The following PITPNB variants were observed in gnomAD, a reference collection of about 807,000 sequenced individuals.
The protein encoded by PITPNB is phosphatidylinositol transfer protein beta, also known as phosphatidylinositol transfer protein beta isoform.
PITPNB carries 16 observed loss-of-function variants against 45.9 expected under a neutral mutation model. The observed-to-expected ratio is 0.35, with a 90% CI of 0.24 to 0.53. The LOEUF is 0.53. Ranked by LOEUF, PITPNB falls within the 20% of genes least tolerant of loss-of-function variation. PITPNB has a pLI of 0.93. For synonymous variants in PITPNB, 112 were observed against 108.9 expected (o/e 1.03, Z -0.18); for missense variants, 188 against 330.5 (o/e 0.57, Z 3.34).
chr22:27,877,819 C>A (rs1171017086), intron 7 of PITPNB, among the ~76,000 whole-genome samples: 3 of 152,020 alleles, frequency 2.0e-5, no homozygotes, highest in Admixed American at 6.5e-5. Context: ...GAGATGAGCT[C>A]CAGACACCAG....
intron 7 of PITPNB, among the ~76,000 whole-genome samples, chr22:27,891,921 G>C (rs754129764): frequency 6.6e-6 from 1 of 152,180 alleles, no homozygotes; most frequent in African/African-American, 2.4e-5. Flanking sequence ...CAGGCAAAGA[G>C]AGGCTAACCA....
chr22:27,899,119 T>C (rs1242491616), intron 3 of PITPNB, among the ~76,000 whole-genome samples: 2 of 152,236 alleles, frequency 1.3e-5, no homozygotes, highest in Admixed American at 6.5e-5. Context: ...TATTACCTGC[T>C]CTGCAGGGTT....
chr22:27,884,343 G>A (rs1446017270), intron 7 of PITPNB, among the ~76,000 whole-genome samples: 1 of 152,214 alleles, frequency 6.6e-6, no homozygotes, highest in East Asian at 1.9e-4. Context: ...AACAACTAGT[G>A]TGAAGTTAAA....
chr22:27,878,710 G>A (rs998253997), intron 7 of PITPNB, among the ~76,000 whole-genome samples: 2 of 152,162 alleles, frequency 1.3e-5, no homozygotes, highest in Non-Finnish European at 2.9e-5. Flanking sequence ...GATCTCAGGA[G>A]GGCTGTTTAA....
intron 7 of PITPNB, among the ~76,000 whole-genome samples, chr22:27,879,829 G>A (rs886445701): frequency 3.3e-5 from 5 of 152,042 alleles, no homozygotes; most frequent in African/African-American, 4.8e-5. Flanking sequence ...AAACACCCTA[G>A]TAAAAATTCA....
At chr22:27,877,564 C>T (rs1292874349) in intron 7 of PITPNB, among the ~76,000 whole-genome samples, 1 of 152,204 alleles carries the variant, frequency 6.6e-6, no homozygotes, top group East Asian at 1.9e-4. Flanking sequence ...GGGTGTACAT[C>T]TGTTACTACA....
intron 7 of PITPNB, among the ~76,000 whole-genome samples, chr22:27,889,451 G>A (rs536144517): frequency 9.9e-4 from 151 of 152,270 alleles, no homozygotes; most frequent in African/African-American, 3.4e-3. Context: ...CTACTTGGAA[G>A]GGAGAGAGAA....
intron 9 of PITPNB, 105 bp downstream of exon 9, chr22:27,860,026 A>G: frequency 3.0e-6 from 2 of 656,206 alleles, no homozygotes; most frequent in South Asian, 1.9e-5. Context: ...AATAATTTTC[A>G]TATCATAAAG....
At chr22:27,878,159 A>G (rs2146372777) in intron 7 of PITPNB, among the ~76,000 whole-genome samples, 1 of 152,350 alleles carries the variant, frequency 6.6e-6, no homozygotes, top group East Asian at 1.9e-4. Context: ...ATTTCCTCTA[A>G]TCACATCCTA....
rs114344896 is a variant in PITPNB, at chr22:27,866,747, G to A, written c.535-6506C>T. On this transcript the variant is annotated intron_variant, in intron 8 of 11. Transcript: ENST00000335272. ...AGCAGTTTCTGTAAGGCTCATAACT[G>A]TCTTCATATTTTCATTTTTCAATTT... 6.8e-3 allele frequency among the ~76,000 whole-genome samples: 1,035 copies of A among 152,250 alleles called. 7 individuals carry two copies. Among genetic ancestry groups the A allele is most frequent in the African/African-American group, 0.023 (940 of 41,534 alleles).
At chr22:27,903,348 A>G (rs1935658021) in intron 3 of PITPNB, among the ~76,000 whole-genome samples, 2 of 151,866 alleles carry the variant, frequency 1.3e-5, no homozygotes, top group African/African-American at 4.8e-5. Flanking sequence ...GCATGCCTGT[A>G]ATACCAGCTA....
At chr22:27,873,666 C>A in intron 8 of PITPNB, 72 bp downstream of exon 8, 1 of 906,924 alleles carries the variant, frequency 1.1e-6, no homozygotes, top group South Asian at 1.4e-5. Flanking sequence ...GTCACCAGCT[C>A]TTCAAGACTC....
At chr22:27,902,605 T>C (rs1935633461) in intron 3 of PITPNB, among the ~76,000 whole-genome samples, 1 of 152,176 alleles carries the variant, frequency 6.6e-6, no homozygotes, top group Non-Finnish European at 1.5e-5. Flanking sequence ...TATAAGAAAA[T>C]ACAGATGTAA....
chr22:27,876,462 A>G (rs1934822456), intron 7 of PITPNB, among the ~76,000 whole-genome samples: 1 of 152,346 alleles, frequency 6.6e-6, no homozygotes, highest in South Asian at 2.1e-4. Context: ...TTTAACCTTG[A>G]AAGATGAGAA....
intron 7 of PITPNB, among the ~76,000 whole-genome samples, chr22:27,875,858 G>A (rs1277556775): frequency 6.6e-6 from 1 of 152,114 alleles, no homozygotes; most frequent in Non-Finnish European, 1.5e-5. Flanking sequence ...AAAGAAGCAA[G>A]CAAAGAACAG....
intron 3 of PITPNB, among the ~76,000 whole-genome samples, chr22:27,903,681 T>TG (rs1341611738): frequency 5.2e-5 from 7 of 135,404 alleles, no homozygotes; most frequent in Non-Finnish European, 7.7e-5. Context: ...GAGGCTGAGG[T>TG]GGGGGGATTG....
intron 8 of PITPNB, 38 bp from the exon 9 acceptor site, chr22:27,860,279 A>C: frequency 8.1e-7 from 1 of 1,240,392 alleles, no homozygotes; most frequent in Non-Finnish European, 1.2e-6. Context: ...ATTATGACTT[A>C]AATATTTATG....
intron 3 of PITPNB, among the ~76,000 whole-genome samples, chr22:27,898,334 C>T (rs1012697080): frequency 6.6e-6 from 1 of 151,682 alleles, no homozygotes; most frequent in Non-Finnish European, 1.5e-5. Flanking sequence ...GAGATCACAC[C>T]ACTGCACTCT....
chr22:27,865,049 T>A (rs1934445512), intron 8 of PITPNB, among the ~76,000 whole-genome samples: 1 of 152,172 alleles, frequency 6.6e-6, no homozygotes, highest in Non-Finnish European at 1.5e-5. Flanking sequence ...GTACAAACAT[T>A]CCTAACAAAA....
Sources: gnomAD v4.1 joint callset for allele counts (sites outside exome capture counted in the v4.1 genomes callset) on GRCh38, gnomAD v4.1.1 for gene constraint, MANE v1.5 for transcripts, NCBI Gene and HGNC (gene_info 2026-07-23, HGNC 2026-07-21) for gene names.